KLK3: variants seen among roughly 807,000 people sequenced by gnomAD.
KLK3 encodes kallikrein related peptidase 3.
A neutral mutation model predicts 27.7 loss-of-function variants in KLK3; 23 were observed. The observed-to-expected ratio is 0.83, with a 90% CI of 0.60 to 1.17. KLK3 has a LOEUF of 1.17. KLK3 is among the 50% of genes most tolerant of loss of function. The pLI is 0.00. For synonymous variants in KLK3, 142 were observed against 134.2 expected, an observed-to-expected ratio of 1.06 and a Z score of -0.40; for missense variants, 322 against 338.1, an observed-to-expected ratio of 0.95 and a Z score of 0.37.
At chr19:50,856,034 A>G (rs995207213) in intron 1 of KLK3, 2 of 564,312 alleles carry the variant, frequency 3.5e-6, no homozygotes, top group African/African-American at 3.8e-5. Context: ...CCTCTCCACC[A>G]GCACCAGCCA....
chr19:50,855,082 C>T lies in KLK3; in HGVS notation c.46+81C>T, dbSNP rs777112026. On this transcript the variant is annotated intron_variant, in intron 1 of 4. Transcript: ENST00000326003. The stretch of plus-strand genomic sequence containing the variant: ...AGCTGAGGCTCTTTCCCCCCCAACC[C>T]AGCACCCCAGCCCAGACAGGGAGCT... 11 of 1,421,780 alleles carry T rather than the reference C, an allele frequency of 7.7e-6. No homozygotes were observed. In the Admixed American group the frequency reaches 1.0e-4, roughly 13 times the overall value. 88.1% of individuals were successfully genotyped at this position (1,421,780 alleles called of 1,614,324 possible). A position where few individuals can be genotyped will look rare whatever the true frequency, so the allele number is the denominator to read the frequency against.
intron 4 of KLK3, chr19:50,859,643 T>A: frequency 1.2e-6 from 2 of 1,610,312 alleles, no homozygotes; most frequent in Non-Finnish European, 1.7e-6. Context: ...GAAGGTGGCC[T>A]CTGTGAGGAG....
In KLK3 at chr19:50,860,407, A is replaced by G. The variant is rs569833730; in HGVS notation, c.*280A>G. On this transcript the variant is annotated 3_prime_UTR_variant, in exon 5 of 5. Coordinates refer to ENST00000326003, the MANE Select transcript of KLK3 (RefSeq NM_001648.2). ...GGGGTGTCTGTGTTATTTGTGGGGT[A>G]CAGAGATGAAAGAGGGGTGGGATCC... is the stretch of plus-strand genomic sequence containing the variant. 12 of 307,430 alleles carry G rather than the reference A, an allele frequency of 3.9e-5. No individual in the cohort carries two copies. The highest frequency in any genetic ancestry group is 2.3e-4 in the African/African-American group (11 of 47,250). The allele number at this position is 307,430 out of a possible 1,614,324, so 19.0% of individuals were successfully genotyped here.
rs374481746 is a variant in KLK3, at chr19:50,858,362, C to T, written c.493+47C>T. On this transcript the variant is annotated intron_variant, in intron 3 of 4. Coordinates refer to ENST00000326003, the MANE Select transcript of KLK3 (RefSeq NM_001648.2). The stretch of plus-strand genomic sequence containing the variant: ...CAGCCGGGAGCCCAGATGCCTGGGT[C>T]TGAGGGAGGAGGGGACAGGACTCCT... The T allele has an allele frequency of 2.5e-6, 4 of 1,602,920 alleles. No individual in the cohort carries two copies. The African/African-American group carries it at 5.4e-5, about 22-fold the overall frequency.
chr19:50,855,878 C>T (rs761271736), intron 1 of KLK3: 3 of 187,272 alleles, frequency 1.6e-5, no homozygotes, highest in Non-Finnish European at 3.3e-5. Context: ...TCAGAATCCA[C>T]AACTTGTACC....
In KLK3 at chr19:50,856,357, T is replaced by C. The variant is rs1414220357; in HGVS notation, c.164T>C (p.Val55Ala). 6.2e-7 allele frequency: 1 copy of C among 1,613,678 alleles called. No individual in the cohort carries two copies. Among genetic ancestry groups the C allele is most frequent in the Non-Finnish European group, 8.5e-7 (1 of 1,180,022 alleles). ...AGGGCAGTCTGCGGCGGTGTTCTGG[T>C]GCACCCCCAGTGGGTCCTCACAGCT... ...RGRAVCGGVL[V>A]HPQWVLTAAH... is the part of the protein sequence containing the mutation. The change falls in exon 2 of 5, where the codon GTG (valine) becomes GCG (alanine). Residue 55 changes from valine to alanine, a missense_variant. By Grantham distance (64) the Val-to-Ala change is moderately conservative. Transcript: ENST00000326003.
rs560911495 is a variant in KLK3 at position 50,857,162 on chromosome 19, C to CAAAAAA, written c.206+779_206+784dup. On this transcript the variant is annotated intron_variant, in intron 2 of 4. Transcript: ENST00000326003. ...TGGGTGACAGAGTGAGACTCCGCCT[C>CAAAAAA]AAAAAAAAAAAAAAAAAAAAAGAAA... Among the ~76,000 whole-genome samples the CAAAAAA allele has an allele frequency of 1.2e-3, 57 of 46,262 alleles. 2 individuals carry two copies. Among genetic ancestry groups the CAAAAAA allele is most frequent in the African/African-American group, 1.9e-3 (26 of 13,374 alleles). The allele number at this position is 46,262 out of a possible 152,430, so 30.3% of individuals were successfully genotyped here.
intron 3 of KLK3, 46 bp downstream of exon 3, chr19:50,858,361 T>A: frequency 6.2e-7 from 1 of 1,602,792 alleles, no homozygotes; most frequent in South Asian, 1.1e-5. Flanking sequence ...GATGCCTGGG[T>A]CTGAGGGAGG....
At chr19:50,855,213 AC>A in intron 1 of KLK3, 1 of 564,746 alleles carries the variant, frequency 1.8e-6, no homozygotes, top group Non-Finnish European at 3.1e-6. Context: ...CCTCCCACTT[AC>A]CCCAGAACTT....
intron 1 of KLK3, chr19:50,855,496 C>G (rs1475254022): frequency 6.3e-6 from 1 of 158,670 alleles, no homozygotes; most frequent in African/African-American, 2.4e-5. Context: ...ACCCAGATGC[C>G]AACCAGACAC....
At position 50,854,993 on chromosome 19, in the gene KLK3, C is replaced by T. The variant is rs780090483; in HGVS notation, c.38C>T (p.Thr13Met). ...VPVVFLTLSV[T>M]WIGAAPLILS... The stretch of plus-strand genomic sequence containing the variant: ...GTTGTCTTCCTCACCCTGTCCGTGA[C>T]GTGGATTGGTGAGAGGGGCCATGGT... Residue 13 changes from threonine to methionine, a missense_variant, in exon 1 of 5, where the codon ACG (threonine) becomes ATG (methionine). Physicochemically the swap from Thr to Met is moderately conservative, Grantham distance 81 (BLOSUM62 -1). Transcript: ENST00000326003. The T allele has an allele frequency of 1.9e-5, 31 of 1,613,678 alleles. No homozygotes were observed. Among genetic ancestry groups the T allele is most frequent in the South Asian group, 1.8e-4 (16 of 91,078 alleles).
chr19:50,859,546 C>G (rs1458221916), intron 4 of KLK3: 1 of 1,613,332 alleles, frequency 6.2e-7, no homozygotes, highest in African/African-American at 1.3e-5. Context: ...ATTCTGATCA[C>G]CGAACTGACC....
At chr19:50,859,815 C>T in intron 4 of KLK3, 157 bp from the exon 5 acceptor site, 2 of 1,473,704 alleles carry the variant, frequency 1.4e-6, no homozygotes, top group Non-Finnish European at 1.8e-6. Context: ...GAATCCCTGC[C>T]CACCTTCTTC....
chr19:50,856,129 G>A, intron 1 of KLK3, 111 bp from the exon 2 acceptor site: 1 of 931,208 alleles, frequency 1.1e-6, no homozygotes, highest in Non-Finnish European at 1.7e-6. Context: ...CCCAGCCTTG[G>A]TTCTCTGCCC....
chr19:50,859,556 C>G, intron 4 of KLK3: 1 of 1,613,676 alleles, frequency 6.2e-7, no homozygotes, highest in African/African-American at 1.3e-5. Context: ...CCGAACTGAC[C>G]ATGCCAGCCC....
intron 1 of KLK3, chr19:50,855,259 C>G: frequency 1.8e-6 from 1 of 546,282 alleles, no homozygotes; most frequent in South Asian, 2.4e-5. Flanking sequence ...CTGCTCCCAG[C>G]TGCTTTACTA....
intron 2 of KLK3, among the ~76,000 whole-genome samples, chr19:50,857,155 T>C (rs1438579391): frequency 8.1e-5 from 4 of 49,666 alleles, no homozygotes; most frequent in Admixed American, 3.3e-4. Flanking sequence ...AGAGTGAGAC[T>C]CCGCCTCAAA....
Position 50,860,121 on chromosome 19 carries a change from C to T in KLK3, c.780C>T (p.Asn260=), listed in dbSNP as rs1183081708. ...GGATCAAGGACACCATCGTGGCCAA[C>T]CCCTGAGCACCCCTATCAACCCCCT... is the stretch of plus-strand genomic sequence containing the variant. The part of the protein sequence containing the change: ...RKWIKDTIVA[N]P Residue 260 remains asparagine (N), a synonymous_variant, in exon 5 of 5, where the codon AAC becomes AAT. Coordinates refer to ENST00000326003, the MANE Select transcript of KLK3 (RefSeq NM_001648.2). 1 of 1,610,460 alleles carries T rather than the reference C, an allele frequency of 6.2e-7. No individual in the cohort carries two copies.
chr19:50,858,591 G>T lies in KLK3; in HGVS notation c.626G>T (p.Cys209Phe). 1 of 1,614,164 alleles carries T rather than the reference G, an allele frequency of 6.2e-7. No individual in the cohort carries two copies. Among genetic ancestry groups the T allele is most frequent in the Middle Eastern group, 1.7e-4 (1 of 6,060 alleles). The part of the protein sequence containing the change: ...AGRWTGGKST[C>F]SGDSGGPLVC... ...CGCTGGACAGGGGGCAAAAGCACCT[G>T]CTCGGTGAGTCATCCCTACTCCCAA... The change falls in exon 4 of 5, where the codon TGC becomes TTC. Residue 209 changes from cysteine (C) to phenylalanine (F), a missense_variant. By Grantham distance (205) the Cys-to-Phe change is radical. Transcript: ENST00000326003.
Sources: gnomAD v4.1 joint callset for allele counts (sites outside exome capture counted in the v4.1 genomes callset) on GRCh38, gnomAD v4.1.1 for gene constraint, MANE v1.5 for transcripts, NCBI Gene and HGNC (gene_info 2026-07-23, HGNC 2026-07-21) for gene names.